The following FARP1 variants were observed in gnomAD, a reference collection of about 807,000 sequenced individuals.
FARP1 encodes the protein FERM, ARHGEF and pleckstrin domain-containing protein 1.
FARP1 carries 52 observed loss-of-function variants against 128.8 expected under a neutral mutation model. The observed-to-expected ratio is 0.40, with a 90% CI of 0.32 to 0.51. The LOEUF (loss-of-function observed/expected upper bound fraction) is 0.51. FARP1 is among the 20% of genes least tolerant of loss of function. The probability of loss-of-function intolerance (pLI) is 0.45; values close to 1 mark genes in which losing one functional copy is unlikely to be tolerated. For synonymous variants in FARP1, 580 were observed against 551.8 expected (o/e 1.05, Z -0.72); for missense variants, 1,333 against 1,367.9 (o/e 0.97, Z 0.40).
At chr13:98,281,089 C>T (rs1884914517) in intron 2 of FARP1, among the ~76,000 whole-genome samples, 1 of 152,210 alleles carries the variant, frequency 6.6e-6, no homozygotes, top group Non-Finnish European at 1.5e-5. Flanking sequence ...GGCTCAGTGG[C>T]TCATGCCTGT....
At chr13:98,304,202 C>A (rs1886039631) in intron 2 of FARP1, among the ~76,000 whole-genome samples, 1 of 152,102 alleles carries the variant, frequency 6.6e-6, no homozygotes, top group African/African-American at 2.4e-5. Flanking sequence ...GAAGGGTCTG[C>A]TGCTCTGCCA....
intron 2 of FARP1, among the ~76,000 whole-genome samples, chr13:98,261,420 T>C (rs1001922849): frequency 2.6e-5 from 4 of 152,208 alleles, no homozygotes; most frequent in Admixed American, 2.6e-4. Flanking sequence ...TGCAACCTTT[T>C]GGTCCATAGC....
intron 2 of FARP1, among the ~76,000 whole-genome samples, chr13:98,240,774 G>A (rs76386987): frequency 2.6e-5 from 4 of 152,310 alleles, no homozygotes; most frequent in East Asian, 1.9e-4. Flanking sequence ...GTTTTGTGTC[G>A]TGTTCTAGTG....
chr13:98,282,924 A>T (rs896579623), intron 2 of FARP1, among the ~76,000 whole-genome samples: 3 of 152,076 alleles, frequency 2.0e-5, no homozygotes, highest in African/African-American at 7.2e-5. Flanking sequence ...AAAAATAAAA[A>T]ATTTTCTGGA....
intron 21 of FARP1, 137 bp downstream of exon 21, chr13:98,439,333 A>G (rs1892426277): frequency 1.6e-6 from 1 of 642,220 alleles, no homozygotes. Flanking sequence ...GTTACAAGAC[A>G]TGGGCTCAAA....
At position 98,446,661 on chromosome 13, in the gene FARP1, T is replaced by C. The variant is rs1566329055; in HGVS notation, c.2905-5T>C. On this transcript the variant is annotated splice_region_variant and splice_polypyrimidine_tract_variant and intron_variant, in intron 25 of 26. Coordinates refer to ENST00000319562, the MANE Select transcript of FARP1 (RefSeq NM_005766.4). ...AAGCCACTTTGCTTTGTTTCCCCTT[T>C]CCAGGACAATCATCCCCTTGCCAGC... 8 of 1,613,970 alleles carry C rather than the reference T, an allele frequency of 5.0e-6. No individual in the cohort carries two copies. Among genetic ancestry groups the C allele is most frequent in the South Asian group, 4.4e-5 (4 of 91,068 alleles).
In FARP1 at chr13:98,343,918, G is replaced by C. The variant is rs148182714; in HGVS notation, c.276+52G>C. On this transcript the variant is annotated intron_variant, in intron 3 of 26. Coordinates refer to ENST00000319562, the MANE Select transcript of FARP1 (RefSeq NM_005766.4). ...ATTTTACTGTCTGTTCATCTTGGTGGGGGGCTGGGCAGGGGCCAGTCTAAA... is the reference window on the plus strand; with the variant it reads ...ATTTTACTGTCTGTTCATCTTGGTGCGGGGCTGGGCAGGGGCCAGTCTAAA... 911 of 1,224,522 alleles carry C rather than the reference G, an allele frequency of 7.4e-4. 9 individuals carry two copies. In the African/African-American group the frequency reaches 0.012, roughly 16 times the overall value. The allele number at this position is 1,224,522 out of a possible 1,614,324, so 75.9% of individuals were successfully genotyped here.
intron 3 of FARP1, among the ~76,000 whole-genome samples, chr13:98,349,759 C>T (rs1359811545): frequency 1.3e-5 from 2 of 149,002 alleles, no homozygotes; most frequent in South Asian, 4.3e-4. Context: ...TAAATACTGT[C>T]GAAGCTCCAG....
At chr13:98,233,686 CAGA>C (rs1566775055) in intron 2 of FARP1, 1 of 152,178 alleles carries the variant, frequency 6.6e-6, no homozygotes, top group African/African-American at 2.4e-5. Flanking sequence ...CAATTCAATT[CAGA>C]AGGTGTGAGT....
At chr13:98,213,923 C>A (rs1880897134) in intron 2 of FARP1, among the ~76,000 whole-genome samples, 1 of 152,128 alleles carries the variant, frequency 6.6e-6, no homozygotes, top group Non-Finnish European at 1.5e-5. Flanking sequence ...ATCAGGAGAG[C>A]CTGTGCATGC....
intron 2 of FARP1, among the ~76,000 whole-genome samples, chr13:98,277,149 C>CACACACA (rs1566824323): frequency 1.4e-4 from 16 of 113,196 alleles, no homozygotes; most frequent in Non-Finnish European, 2.3e-4. Context: ...CACACACACA[C>CACACACA]CCCATATGTA....
chr13:98,196,070 A>G (rs1315793194), intron 1 of FARP1, among the ~76,000 whole-genome samples: 1 of 152,148 alleles, frequency 6.6e-6, no homozygotes, highest in African/African-American at 2.4e-5. Flanking sequence ...TAACAATTCT[A>G]GTACACATTT....
intron 8 of FARP1, among the ~76,000 whole-genome samples, chr13:98,387,518 A>G (rs1032699906): frequency 9.2e-5 from 14 of 152,304 alleles, no homozygotes; most frequent in Non-Finnish European, 1.5e-5. Flanking sequence ...CCTTCTTGCC[A>G]GTGCCCTATT....
chr13:98,269,000 G>A (rs150785904), intron 2 of FARP1, among the ~76,000 whole-genome samples: 2,243 of 152,210 alleles, frequency 0.015, 19 homozygotes, highest in Non-Finnish European at 0.021. Context: ...CCAAAGTTCT[G>A]GGATTACAGG....
intron 2 of FARP1, among the ~76,000 whole-genome samples, chr13:98,235,213 A>G (rs2139420870): frequency 6.6e-6 from 1 of 152,230 alleles, no homozygotes; most frequent in Non-Finnish European, 1.5e-5. Flanking sequence ...TCAGTTTTAC[A>G]GAGAACTTAG....
At chr13:98,277,148 A>ACACACCCCC (rs372627844) in intron 2 of FARP1, among the ~76,000 whole-genome samples, 1 of 138,580 alleles carries the variant, frequency 7.2e-6, no homozygotes, top group Non-Finnish European at 1.6e-5. Flanking sequence ...ACACACACAC[A>ACACACCCCC]CCCCATATGT....
chr13:98,444,222 G>A (rs1170258087), intron 24 of FARP1, among the ~76,000 whole-genome samples: 2 of 152,130 alleles, frequency 1.3e-5, no homozygotes, highest in Non-Finnish European at 2.9e-5. Flanking sequence ...GCTCGTGCTG[G>A]GCTTAGGGCT....
rs1190542753 is a variant in FARP1 at position 98,452,103 on chromosome 13, C to T, written c.*3786C>T. ...CCACGAGTACACACGCACGGCCACA[C>T]ATACACAGCAGGTGCCCTGTCCTCT... On this transcript the variant is annotated 3_prime_UTR_variant, in exon 27 of 27. Coordinates refer to ENST00000319562, the MANE Select transcript of FARP1 (RefSeq NM_005766.4). 6.6e-6 allele frequency: 1 copy of T among 152,236 alleles called. No individual in the cohort carries two copies. Among genetic ancestry groups the T allele is most frequent in the Admixed American group, 6.5e-5 (1 of 15,278 alleles). 9.4% of individuals were successfully genotyped at this position (152,236 alleles called of 1,614,324 possible).
intron 14 of FARP1, among the ~76,000 whole-genome samples, chr13:98,410,403 C>T (rs1891146255): frequency 6.6e-6 from 1 of 152,196 alleles, no homozygotes; most frequent in African/African-American, 2.4e-5. Context: ...TTATGTATTT[C>T]CTTTGCCTAA....
Sources: allele counts gnomAD v4.1 joint callset (sites outside exome capture counted in the v4.1 genomes callset), GRCh38; gene constraint gnomAD v4.1.1; transcripts MANE v1.5; gene names NCBI Gene and HGNC (gene_info 2026-07-23, HGNC 2026-07-21).